The following CAPZB variants were observed in gnomAD, a reference collection of about 807,000 sequenced individuals.
CAPZB encodes F-actin-capping protein subunit beta.
Under a neutral mutation model 38.1 loss-of-function variants are expected in CAPZB, and 2 were observed. The ratio of observed to expected loss-of-function variants is 0.05; its 90% CI spans 0.02 to 0.17. The LOEUF (loss-of-function observed/expected upper bound fraction) is 0.17, where lower values mean the gene tolerates loss of function less well. Ranked by LOEUF, CAPZB falls within the 10% of genes least tolerant of loss-of-function variation. The pLI is 1.00. For synonymous variants in CAPZB, 107 were observed against 127.4 expected (o/e 0.84, Z 1.08); for missense variants, 161 against 334.2 (o/e 0.48, Z 4.04).
chr1:19,385,461 C>CG, intron 3 of CAPZB, 44 bp downstream of exon 3: 4 of 1,609,446 alleles, frequency 2.5e-6, no homozygotes, highest in Non-Finnish European at 2.5e-6. Context: ...CGGCAGCCCG[C>CG]GTGTGCCTGC....
chr1:19,378,840 G>A (rs373943097), intron 3 of CAPZB, among the ~76,000 whole-genome samples, 187 bp from the exon 4 acceptor site: 7 of 152,098 alleles, frequency 4.6e-5, no homozygotes, highest in African/African-American at 7.2e-5. Flanking sequence ...GCTCTGATGC[G>A]GGCAGACTGG....
Position 19,343,188 on chromosome 1 carries a change from G to C in CAPZB, c.731+1170C>G, listed in dbSNP as rs529823534. On this transcript the variant is annotated intron_variant, in intron 8 of 8. Transcript: ENST00000264202. ...ATCGGGCAGTGGCTGCCAGTGGCAG[G>C]CCTAACGCCAGGGACCACTGGGCTC... is the stretch of plus-strand genomic sequence containing the variant. 5.7e-3 allele frequency among the ~76,000 whole-genome samples: 869 copies of C among 152,338 alleles called. 6 individuals are homozygous for C. Among genetic ancestry groups the C allele is most frequent in the African/African-American group, 0.019 (790 of 41,566 alleles).
rs1009227632 is a variant in CAPZB at position 19,485,408 on chromosome 1, G to C, written c.3+28C>G. The C allele has an allele frequency of 4.9e-6, 6 of 1,226,178 alleles. No homozygotes were observed. The South Asian group carries it at 2.5e-4, about 51-fold the overall frequency. The allele number at this position is 1,226,178 out of a possible 1,614,324, so 76.0% of individuals were successfully genotyped here. Reference sequence around the variant, plus strand: ...ACGCGAGCTCCGGAGGGGCCCCCGGGCCGGGGAGGGGGCCGTGCGGCCTTT... The same window carrying C: ...ACGCGAGCTCCGGAGGGGCCCCCGGCCCGGGGAGGGGGCCGTGCGGCCTTT... On this transcript the variant is annotated intron_variant, in intron 1 of 8. Transcript: ENST00000264202.
chr1:19,359,294 G>T (rs77853905), intron 4 of CAPZB, among the ~76,000 whole-genome samples: 2,103 of 139,230 alleles, frequency 0.015, 52 homozygotes, highest in African/African-American at 0.053. Flanking sequence ...ATCAGTACAC[G>T]AATACACCGG....
intron 2 of CAPZB, among the ~76,000 whole-genome samples, chr1:19,416,830 TA>T (rs1245420724): frequency 8.1e-6 from 1 of 123,074 alleles, no homozygotes; most frequent in African/African-American, 3.3e-5. Flanking sequence ...CACTACACTC[TA>T]GCCTGGGTGA....
chr1:19,360,241 T>A lies in CAPZB; in HGVS notation c.330-2678A>T, dbSNP rs553364599. Among the ~76,000 whole-genome samples, 7 of 152,328 alleles carry A rather than the reference T, an allele frequency of 4.6e-5. No individual in the cohort carries two copies. In the East Asian group the frequency reaches 1.3e-3, roughly 29 times the overall value. ...AACAGACCTGCTAATACCCTTCCTG[T>A]TGGCAACAGATGGCTTGGTTCTAGC... is the stretch of plus-strand genomic sequence containing the variant. On this transcript the variant is annotated intron_variant, in intron 4 of 8. Transcript: ENST00000264202.
chr1:19,431,793 C>T (rs943770886), intron 1 of CAPZB, among the ~76,000 whole-genome samples: 6 of 151,698 alleles, frequency 4.0e-5, no homozygotes, highest in African/African-American at 7.3e-5. Flanking sequence ...AATACTACTT[C>T]GGGCTGCAAG....
intron 1 of CAPZB, among the ~76,000 whole-genome samples, chr1:19,453,436 T>A (rs1180462284): frequency 6.6e-6 from 1 of 151,698 alleles, no homozygotes; most frequent in Non-Finnish European, 1.5e-5. Flanking sequence ...AATTTTTGTA[T>A]TTTTAGTAGA....
intron 1 of CAPZB, among the ~76,000 whole-genome samples, chr1:19,442,966 G>A (rs936282894): frequency 4.6e-5 from 7 of 152,110 alleles, no homozygotes; most frequent in Admixed American, 3.9e-4. Flanking sequence ...TCCTATCAGC[G>A]TCCAGAGGAG....
chr1:19,439,839 C>T (rs886270295), intron 1 of CAPZB, among the ~76,000 whole-genome samples: 3 of 152,228 alleles, frequency 2.0e-5, no homozygotes, highest in Non-Finnish European at 4.4e-5. Flanking sequence ...TCAGAAACCA[C>T]CTCTTATTCC....
At chr1:19,415,569 T>C (rs1360810302) in intron 2 of CAPZB, among the ~76,000 whole-genome samples, 1 of 152,230 alleles carries the variant, frequency 6.6e-6, no homozygotes, top group Non-Finnish European at 1.5e-5. Flanking sequence ...AAATAAAACA[T>C]TCAAAGAAGA....
intron 1 of CAPZB, among the ~76,000 whole-genome samples, chr1:19,457,580 G>A (rs138450928): frequency 5.2e-4 from 79 of 152,298 alleles, no homozygotes; most frequent in African/African-American, 1.9e-3. Flanking sequence ...ACTTTGCCAA[G>A]TGAAGACATA....
intron 4 of CAPZB, among the ~76,000 whole-genome samples, chr1:19,372,717 G>C (rs2094125262): frequency 6.6e-6 from 1 of 152,210 alleles, no homozygotes; most frequent in South Asian, 2.1e-4. Context: ...TGCTGAGAAA[G>C]AGTGTCAAAT....
At chr1:19,428,551 T>C (rs1471416133) in intron 1 of CAPZB, among the ~76,000 whole-genome samples, 2 of 152,122 alleles carry the variant, frequency 1.3e-5, no homozygotes, top group Admixed American at 6.6e-5. Flanking sequence ...TATAAACAAG[T>C]CTCTCCTTTA....
intron 1 of CAPZB, among the ~76,000 whole-genome samples, chr1:19,454,685 G>A (rs2094527545): frequency 6.6e-6 from 1 of 152,190 alleles, no homozygotes; most frequent in South Asian, 2.1e-4. Context: ...AGTCTGTACT[G>A]TAATGCCAAA....
chr1:19,483,293 C>G (rs1438852471), intron 1 of CAPZB, among the ~76,000 whole-genome samples: 2 of 152,212 alleles, frequency 1.3e-5, no homozygotes, highest in Non-Finnish European at 2.9e-5. Context: ...GACATACAAG[C>G]AGCTTGGTAC....
At chr1:19,469,477 C>T (rs2094579183) in intron 1 of CAPZB, among the ~76,000 whole-genome samples, 2 of 152,046 alleles carry the variant, frequency 1.3e-5, no homozygotes, top group South Asian at 4.2e-4. Flanking sequence ...ATGAGCTAAC[C>T]TTAGAACACA....
At chr1:19,475,726 G>A (rs774145098) in intron 1 of CAPZB, among the ~76,000 whole-genome samples, 7 of 152,208 alleles carry the variant, frequency 4.6e-5, no homozygotes, top group Non-Finnish European at 8.8e-5. Context: ...TCTGTATTAG[G>A]TTGAACCACA....
Position 19,338,968 on chromosome 1 carries a change from C to G in CAPZB, c.*562G>C, listed in dbSNP as rs948774086. 1 of 152,644 alleles carries G rather than the reference C, an allele frequency of 6.6e-6. No homozygotes were observed. Among genetic ancestry groups the G allele is most frequent in the Non-Finnish European group, 1.5e-5 (1 of 68,314 alleles). The allele number at this position is 152,644 out of a possible 1,614,324, so 9.5% of individuals were successfully genotyped here. On this transcript the variant is annotated 3_prime_UTR_variant, in exon 9 of 9. Transcript: ENST00000264202. ...AGAGCGGAACGGTCGGCGGCACCCC[C>G]CCCAGCCCCCACCCCGCGGCCTCCG...
Sources: gnomAD v4.1 joint callset for allele counts (sites outside exome capture counted in the v4.1 genomes callset) on GRCh38, gnomAD v4.1.1 for gene constraint, MANE v1.5 for transcripts, NCBI Gene and HGNC (gene_info 2026-07-23, HGNC 2026-07-21) for gene names.